Variants in CTNNA3 observed in about 807,000 individuals in gnomAD.
The protein encoded by CTNNA3 is catenin alpha-3.
A neutral mutation model predicts 95.7 loss-of-function variants in CTNNA3; 76 were observed. The observed-to-expected ratio is 0.79, with a 90% CI of 0.66 to 0.96. The LOEUF (loss-of-function observed/expected upper bound fraction) is 0.96, where lower values mean the gene tolerates loss of function less well. Among genes scored for constraint, CTNNA3 ranks in the 40% least tolerant of loss-of-function variants. The pLI is 0.00. For missense variants in CTNNA3, 1,191 were observed against 1,089.8 expected (o/e 1.09, Z -1.31); for synonymous variants, 431 against 374.4 (o/e 1.15, Z -1.74).
chr10:67,085,647 G>A (rs1270657281), intron 7 of CTNNA3, among the ~76,000 whole-genome samples: 2 of 151,902 alleles, frequency 1.3e-5, no homozygotes, highest in South Asian at 2.1e-4. Flanking sequence ...GAAATAATGA[G>A]TTAGTTTACC....
intron 5 of CTNNA3, among the ~76,000 whole-genome samples, chr10:67,506,581 G>A (rs2133117316): frequency 6.6e-6 from 1 of 152,304 alleles, no homozygotes; most frequent in South Asian, 2.1e-4. Flanking sequence ...GCTGTAAGCT[G>A]AACTGTTGGT....
At chr10:66,671,213 A>G (rs538845936) in intron 9 of CTNNA3, among the ~76,000 whole-genome samples, 12 of 152,198 alleles carry the variant, frequency 7.9e-5, no homozygotes, top group Non-Finnish European at 1.8e-4. Context: ...AACCCCATAA[A>G]ATATGTTATA....
At chr10:66,992,835 T>C (rs1851114489) in intron 7 of CTNNA3, among the ~76,000 whole-genome samples, 1 of 152,178 alleles carries the variant, frequency 6.6e-6, no homozygotes, top group Non-Finnish European at 1.5e-5. Context: ...AATGCCTTTT[T>C]AGTGATACAA....
intron 3 of CTNNA3, among the ~76,000 whole-genome samples, chr10:67,552,289 T>C (rs1841061103): frequency 6.6e-6 from 1 of 152,160 alleles, no homozygotes. Context: ...TTGTTAGAGG[T>C]TAGACCTGAA....
intron 7 of CTNNA3, among the ~76,000 whole-genome samples, chr10:67,163,998 A>G (rs1261540894): frequency 1.3e-5 from 2 of 152,018 alleles, no homozygotes; most frequent in Non-Finnish European, 2.9e-5. Flanking sequence ...ATGGAGAGAC[A>G]TCCTGTGTTC....
At chr10:67,431,492 C>A (rs1004457589) in intron 5 of CTNNA3, among the ~76,000 whole-genome samples, 4 of 151,952 alleles carry the variant, frequency 2.6e-5, no homozygotes, top group Non-Finnish European at 5.9e-5. Context: ...GCAAGCAGTT[C>A]TCACAGCTTG....
At chr10:67,684,568 C>T (rs548009984) in intron 1 of CTNNA3, among the ~76,000 whole-genome samples, 19 of 152,292 alleles carry the variant, frequency 1.2e-4, no homozygotes, top group South Asian at 4.1e-4. Context: ...GGGCGATGAC[C>T]GCTCTAGCTA....
At chr10:66,559,654 C>T (rs10997234) in intron 10 of CTNNA3, among the ~76,000 whole-genome samples, 7,197 of 151,906 alleles carry the variant, frequency 0.047, 489 homozygotes, top group East Asian at 0.33. Context: ...TCGGGTATCA[C>T]GACAGACTTT....
intron 10 of CTNNA3, among the ~76,000 whole-genome samples, chr10:66,583,106 T>C (rs1390403151): frequency 6.6e-6 from 1 of 151,398 alleles, no homozygotes; most frequent in East Asian, 1.9e-4. Context: ...TTCTCTTTTT[T>C]GTTAAGTCTT....
At chr10:67,620,927 A>G (rs199906263) in intron 2 of CTNNA3, among the ~76,000 whole-genome samples, 4,325 of 98,824 alleles carry the variant, frequency 0.044, 77 homozygotes, top group South Asian at 0.098. Flanking sequence ...GTGTGTGTAT[A>G]TATATATATA....
chr10:66,693,990 A>C (rs573381481), intron 9 of CTNNA3, among the ~76,000 whole-genome samples: 2 of 152,230 alleles, frequency 1.3e-5, no homozygotes, highest in East Asian at 3.9e-4. Context: ...ATAGCACTAA[A>C]TGCCCACAAG....
intron 15 of CTNNA3, among the ~76,000 whole-genome samples, chr10:66,050,215 C>T (rs1479620622): frequency 6.6e-6 from 1 of 151,982 alleles, no homozygotes; most frequent in African/African-American, 2.4e-5. Context: ...TGAACCCTAG[C>T]TGCTCTTTTC....
intron 7 of CTNNA3, among the ~76,000 whole-genome samples, chr10:67,150,496 A>T (rs1589797837): frequency 2.6e-5 from 4 of 152,340 alleles, no homozygotes; most frequent in Admixed American, 2.6e-4. Flanking sequence ...AATGCCCTTC[A>T]TTCCACAAAG....
intron 10 of CTNNA3, among the ~76,000 whole-genome samples, chr10:66,583,966 A>G (rs1843278831): frequency 6.6e-6 from 1 of 151,766 alleles, no homozygotes; most frequent in South Asian, 2.1e-4. Context: ...AGATTGTTTA[A>G]TTTCTATGTA....
chr10:66,745,040 T>C (rs61316607), intron 9 of CTNNA3, among the ~76,000 whole-genome samples: 1,938 of 152,310 alleles, frequency 0.013, 48 homozygotes, highest in African/African-American at 0.044. Context: ...TTCATTATTT[T>C]ATATGGATTG....
At chr10:66,220,750 C>T (rs1426127665) in intron 13 of CTNNA3, among the ~76,000 whole-genome samples, 2 of 152,138 alleles carry the variant, frequency 1.3e-5, no homozygotes, top group African/African-American at 2.4e-5. Context: ...GGCAGCCAAA[C>T]TCTTCTCCAC....
At chr10:67,085,103 C>A (rs1279312947) in intron 7 of CTNNA3, among the ~76,000 whole-genome samples, 3 of 151,872 alleles carry the variant, frequency 2.0e-5, no homozygotes, top group Admixed American at 1.3e-4. Flanking sequence ...TCAATATCTA[C>A]TTTGAACTGT....
intron 5 of CTNNA3, among the ~76,000 whole-genome samples, chr10:67,411,686 A>T (rs1321598965): frequency 6.6e-6 from 1 of 152,150 alleles, no homozygotes; most frequent in African/African-American, 2.4e-5. Context: ...AGAATAAAAA[A>T]TGATACTCTG....
chr10:67,132,357 G>A (rs1263419397), intron 7 of CTNNA3, among the ~76,000 whole-genome samples: 1 of 152,044 alleles, frequency 6.6e-6, no homozygotes, highest in Non-Finnish European at 1.5e-5. Flanking sequence ...ATGCACTTAG[G>A]TATCAAGAAA....
Sources: allele counts gnomAD v4.1 joint callset (sites outside exome capture counted in the v4.1 genomes callset), GRCh38; gene constraint gnomAD v4.1.1; transcripts MANE v1.5; gene names NCBI Gene and HGNC (gene_info 2026-07-23, HGNC 2026-07-21).